The following EVL variants were observed in gnomAD, a reference collection of about 807,000 sequenced individuals.
The protein encoded by EVL is Enah/Vasp-like.
EVL carries 21 observed loss-of-function variants against 59.6 expected under a neutral mutation model. That is an observed-to-expected ratio of 0.35 (90% CI 0.25 to 0.51). The LOEUF is 0.51. Ranked by LOEUF, EVL falls within the 20% of genes least tolerant of loss-of-function variation. The pLI is 0.97. For synonymous variants in EVL, 198 were observed against 203.5 expected (o/e 0.97, Z 0.23); for missense variants, 462 against 546.6 (o/e 0.85, Z 1.54).
intron 3 of EVL, among the ~76,000 whole-genome samples, chr14:100,116,584 C>T (rs1007968728): frequency 2.6e-5 from 4 of 152,194 alleles, no homozygotes; most frequent in African/African-American, 9.7e-5. Context: ...GCCTTGTCTG[C>T]CTGCCTTTGG....
intron 1 of EVL, among the ~76,000 whole-genome samples, chr14:100,041,206 T>C (rs183882421): frequency 2.0e-5 from 3 of 152,212 alleles, no homozygotes; most frequent in African/African-American, 7.2e-5. Flanking sequence ...GAGGAAGTTA[T>C]GATTGGCAGC....
At chr14:100,045,783 C>G (rs762742188) in intron 1 of EVL, among the ~76,000 whole-genome samples, 10 of 152,136 alleles carry the variant, frequency 6.6e-5, no homozygotes, top group Non-Finnish European at 1.3e-4. Flanking sequence ...TTTGTTCTCC[C>G]TGGGTGTCTG....
intron 12 of EVL, 106 bp from the exon 13 acceptor site, chr14:100,141,630 C>T (rs1889173210): frequency 1.9e-6 from 2 of 1,039,146 alleles, no homozygotes; most frequent in East Asian, 5.1e-5. Context: ...AGATGCAACT[C>T]TGGAGAGGCC....
At chr14:100,137,521 G>T in intron 9 of EVL, 57 bp from the exon 10 acceptor site, 2 of 1,566,858 alleles carry the variant, frequency 1.3e-6, no homozygotes, top group Non-Finnish European at 8.8e-7. Context: ...AGGGGATTGG[G>T]GTGGCTACTG....
At chr14:99,996,226 T>G (rs952619066) in intron 1 of EVL, among the ~76,000 whole-genome samples, 1 of 152,146 alleles carries the variant, frequency 6.6e-6, no homozygotes, top group African/African-American at 2.4e-5. Flanking sequence ...GCCATGAACT[T>G]TTCTGCTGGC....
In EVL at chr14:100,043,397, G is replaced by A. The variant is rs111930670; in HGVS notation, c.6-41290G>A. 5.8e-3 allele frequency among the ~76,000 whole-genome samples: 851 copies of A among 147,852 alleles called. 4 individuals carry two copies. Among genetic ancestry groups the A allele is most frequent in the Non-Finnish European group, 8.5e-3 (572 of 67,004 alleles). ...AGGTTGTAAAGTCCTACGATAGACC[G>A]TCTGCACGCTGGAGACCCAGGGAAG... On this transcript the variant is annotated intron_variant, in intron 1 of 13. Coordinates refer to the EVL transcript ENST00000402714.
chr14:100,023,970 C>G (rs2061169639), intron 1 of EVL, among the ~76,000 whole-genome samples: 1 of 152,150 alleles, frequency 6.6e-6, no homozygotes, highest in Non-Finnish European at 1.5e-5. Flanking sequence ...GACTTTTTCC[C>G]CCATAATCCG....
intron 1 of EVL, among the ~76,000 whole-genome samples, chr14:100,038,064 T>C (rs2140228602): frequency 6.6e-6 from 1 of 152,322 alleles, no homozygotes; most frequent in East Asian, 1.9e-4. Flanking sequence ...CCCATTCTGC[T>C]GCTTTTCAGT....
chr14:100,143,224 T>C (rs1324323331), intron 13 of EVL, among the ~76,000 whole-genome samples: 1 of 151,940 alleles, frequency 6.6e-6, no homozygotes, highest in Non-Finnish European at 1.5e-5. Flanking sequence ...GCCAGGGCAG[T>C]CCCTGGGGTC....
intron 1 of EVL, among the ~76,000 whole-genome samples, chr14:100,082,892 C>A (rs2062342915): frequency 6.6e-6 from 1 of 152,212 alleles, no homozygotes; most frequent in South Asian, 2.1e-4. Flanking sequence ...GGCACTGGTG[C>A]CCCTGCCACA....
At chr14:100,081,531 AG>A (rs1464694090) in intron 1 of EVL, among the ~76,000 whole-genome samples, 103 of 120,992 alleles carry the variant, frequency 8.5e-4, no homozygotes, top group Middle Eastern at 4.3e-3. Flanking sequence ...AAAAAAAAAA[AG>A]GAACCTGTAG....
At position 100,097,622 on chromosome 14, in the gene EVL, C is replaced by A. The variant is rs777810552; in HGVS notation, c.322C>A (p.Leu108Met). 4 of 1,613,630 alleles carry A rather than the reference C, an allele frequency of 2.5e-6. No individual in the cohort carries two copies. In the Admixed American group the frequency reaches 6.7e-5, roughly 27 times the overall value. ...GGCAACCACGTTCTCCAATGCAATGCTGTTTGCCCTGAACATCATGAATTC... is the reference window on the plus strand; with the variant it reads ...GGCAACCACGTTCTCCAATGCAATGATGTTTGCCCTGAACATCATGAATTC... The part of the protein sequence containing the change: ...EEATTFSNAM[L>M]FALNIMNSQE... Residue 108 changes from leucine (L) to methionine (M), a missense_variant, in exon 3 of 14, where the codon CTG becomes ATG. Leu to Met is a conservative substitution (Grantham distance 15). Transcript: ENST00000392920.
chr14:99,990,734 A>G (rs1256627819), intron 1 of EVL, among the ~76,000 whole-genome samples: 1 of 152,098 alleles, frequency 6.6e-6, no homozygotes, highest in Non-Finnish European at 1.5e-5. Context: ...GAGAGATGCT[A>G]CTTTTTAAAC....
chr14:100,035,671 T>C lies in EVL; in HGVS notation c.6-49016T>C, dbSNP rs2061378710. ...CAATAGGTAAGACATTGCACAAAGATTGAGAAATTTAAAAGAAAAGACATT... is the reference window on the plus strand; with the variant it reads ...CAATAGGTAAGACATTGCACAAAGACTGAGAAATTTAAAAGAAAAGACATT... On this transcript the variant is annotated intron_variant, in intron 1 of 13. Coordinates refer to the EVL transcript ENST00000402714. 2.0e-5 allele frequency among the ~76,000 whole-genome samples: 3 copies of C among 152,104 alleles called. 1 individual carries two copies. The South Asian group carries it at 6.2e-4, about 31-fold the overall frequency.
chr14:100,076,195 G>A (rs994705086), intron 1 of EVL, among the ~76,000 whole-genome samples: 3 of 152,228 alleles, frequency 2.0e-5, no homozygotes, highest in Admixed American at 6.5e-5. Context: ...GGATGCTTTC[G>A]CTGCCATTCC....
In EVL at chr14:100,127,489, A is replaced by AGCT. The variant is rs1464625037; in HGVS notation, c.487+726_487+728dup. Among the ~76,000 whole-genome samples, 1 of 152,042 alleles carries AGCT rather than the reference A, an allele frequency of 6.6e-6. No homozygotes were observed. The highest frequency in any genetic ancestry group is 1.5e-5 in the Non-Finnish European group (1 of 67,998). The stretch of plus-strand genomic sequence containing the variant: ...CTGGCTGACCCCATCACCCCCACCT[A>AGCT]GCTGCTGCTGGCCTCCTGCTCCCCG... On this transcript the variant is annotated intron_variant, in intron 5 of 13. Coordinates refer to ENST00000392920, the MANE Select transcript of EVL (RefSeq NM_016337.3). The surrounding 1 kb of genome is among the most constrained non-coding windows in gnomAD (Gnocchi z 4.2).
upstream of EVL, chr14:100,065,285 CTTCTTGTT>C: frequency 3.1e-6 from 1 of 319,448 alleles, no homozygotes; most frequent in Non-Finnish European, 5.4e-6. Flanking sequence ...GCAGTGTTAG[CTTCTTGTT>C]TCTCTATTTT....
chr14:100,068,976 G>T (rs1380621593), intron 1 of EVL, among the ~76,000 whole-genome samples: 1 of 152,176 alleles, frequency 6.6e-6, no homozygotes, highest in Non-Finnish European at 1.5e-5. Flanking sequence ...TTGGTAGGCT[G>T]TGGGTTTTTC....
At chr14:100,077,504 G>A (rs1221761031) in intron 1 of EVL, among the ~76,000 whole-genome samples, 1 of 152,214 alleles carries the variant, frequency 6.6e-6, no homozygotes, top group African/African-American at 2.4e-5. Flanking sequence ...AGAAAGGACA[G>A]GACTGGAGAG....
Sources: allele counts gnomAD v4.1 joint callset (sites outside exome capture counted in the v4.1 genomes callset), GRCh38; gene constraint gnomAD v4.1.1; non-coding constraint Gnocchi (gnomAD v3.1); transcripts MANE v1.5; gene names NCBI Gene and HGNC (gene_info 2026-07-23, HGNC 2026-07-21).